The following PAK3 variants were observed in gnomAD, a reference collection of about 807,000 sequenced individuals.
PAK3 encodes the protein p21 (RAC1) activated kinase 3.
A neutral mutation model predicts 41.0 loss-of-function variants in PAK3; 4 were observed. The ratio of observed to expected loss-of-function variants is 0.10; its 90% CI spans 0.05 to 0.22. The LOEUF (loss-of-function observed/expected upper bound fraction) is 0.22, where lower values mean the gene tolerates loss of function less well. Ranked by LOEUF, PAK3 falls within the 10% of genes least tolerant of loss-of-function variation. The pLI, the probability that PAK3 is intolerant of heterozygous loss-of-function variation, is 1.00. For missense variants in PAK3, 205 were observed against 409.9 expected, an observed-to-expected ratio of 0.50 and a Z score of 4.32; for synonymous variants, 146 against 139.6, an observed-to-expected ratio of 1.05 and a Z score of -0.32.
chrX:111,003,897 G>A, intron 1 of PAK3, among the ~76,000 whole-genome samples: 1 of 112,452 alleles, frequency 8.9e-6, no homozygotes, highest in East Asian at 2.8e-4. Flanking sequence ...TTAAAATACT[G>A]ACTCTGCAAC....
intron 4 of PAK3, among the ~76,000 whole-genome samples, chrX:111,108,236 G>A (rs2093310119): frequency 8.9e-6 from 1 of 112,240 alleles, no homozygotes; most frequent in Non-Finnish European, 1.9e-5. Flanking sequence ...AGCTTGCTTA[G>A]CACAGGGCTG....
At chrX:110,981,542 A>AGTGTGT (rs3033534) in intron 1 of PAK3, among the ~76,000 whole-genome samples, 3 of 102,970 alleles carry the variant, frequency 2.9e-5, no homozygotes, top group Admixed American at 2.1e-4. Flanking sequence ...GAGAAAAAAT[A>AGTGTGT]GTGTGTGTGT....
rs2094942259 is a variant in PAK3, at chrX:111,224,225, C to T, written c.*3778C>T. Reference sequence around the variant, plus strand: ...GAGATGTCACTATTAGAACTCCAAACACACTCTTCTGCTTTAAAACAGGTT... The same window carrying T: ...GAGATGTCACTATTAGAACTCCAAATACACTCTTCTGCTTTAAAACAGGTT... On this transcript the variant is annotated 3_prime_UTR_variant, in exon 18 of 18. Transcript: ENST00000372007. The T allele has an allele frequency of 8.9e-6, 1 of 111,769 alleles. No homozygotes were observed. Among genetic ancestry groups the T allele is most frequent in the Non-Finnish European group, 1.9e-5 (1 of 53,151 alleles). 9.2% of individuals were successfully genotyped at this position (111,769 alleles called of 1,213,427 possible). A position where few individuals can be genotyped will look rare whatever the true frequency, so the allele number is the denominator to read the frequency against.
intron 1 of PAK3, among the ~76,000 whole-genome samples, chrX:111,006,942 T>C (rs186059424): frequency 5.8e-5 from 6 of 103,063 alleles, no homozygotes; most frequent in Non-Finnish European, 1.2e-4. Flanking sequence ...CTTTCCAGGC[T>C]CAAGTGATCT....
intron 10 of PAK3, among the ~76,000 whole-genome samples, chrX:111,172,511 C>T (rs6567945): frequency 0.22 from 23,980 of 110,347 alleles, 5,761 homozygotes; most frequent in African/African-American, 0.71. Context: ...TCCTCTCCTG[C>T]CTAGTGATCC....
Position 111,179,625 on chromosome X carries a change from G to A in PAK3, c.830+6544G>A, listed in dbSNP as rs375901213. ...CAGAATTCTCCACTTGCAACAAAAC[G>A]CTATTTTTATAATTGATTTGTTCAA... is the stretch of plus-strand genomic sequence containing the variant. On this transcript the variant is annotated intron_variant, in intron 11 of 17. Coordinates refer to ENST00000372007, the MANE Select transcript of PAK3 (RefSeq NM_002578.5). 8.1e-5 allele frequency among the ~76,000 whole-genome samples: 9 copies of A among 111,082 alleles called. No individual in the cohort carries two copies. In the East Asian group the frequency reaches 1.7e-3, roughly 21 times the overall value.
At chrX:111,151,151 A>T (rs971106060) in intron 7 of PAK3, among the ~76,000 whole-genome samples, 1 of 112,297 alleles carries the variant, frequency 8.9e-6, no homozygotes, top group African/African-American at 3.2e-5. Context: ...GATCCTGGTG[A>T]TATATCAAAA....
Position 111,152,384 on chromosome X carries a change from A to G in PAK3, c.431-26A>G, listed in dbSNP as rs16986385. On this transcript the variant is annotated intron_variant, in intron 7 of 17. Coordinates refer to ENST00000372007, the MANE Select transcript of PAK3 (RefSeq NM_002578.5). ...ATGAAACATTCTTTATGAAACAAAA[A>G]TGACCTCTCTATTCTCACTTTGCAG... is the stretch of plus-strand genomic sequence containing the variant. 49,534 of 1,093,025 alleles carry G rather than the reference A, an allele frequency of 0.045. 5,383 individuals carry two copies. In the African/African-American group the frequency reaches 0.49, roughly 11 times the overall value. The allele number at this position is 1,093,025 out of a possible 1,213,427, so 90.1% of individuals were successfully genotyped here.
At chrX:111,201,917 T>C (rs1215372903) in intron 16 of PAK3, among the ~76,000 whole-genome samples, 1 of 109,393 alleles carries the variant, frequency 9.1e-6, no homozygotes, top group African/African-American at 3.3e-5. Flanking sequence ...GTTTAGAGGG[T>C]TTTTTTTACC....
rs1485594274 is a variant in PAK3 at position 111,002,450 on chromosome X, G to A, written c.-28+57822G>A. On this transcript the variant is annotated intron_variant, in intron 1 of 14. Transcript: ENST00000425146. ...AAAAGGCAGATTTAGGTCTCCAAGA[G>A]GGAAGGCATCAGCTCTGCTTTTGGG... 8.1e-5 allele frequency among the ~76,000 whole-genome samples: 9 copies of A among 111,683 alleles called. No individual in the cohort carries two copies. In the East Asian group the frequency reaches 1.4e-3, roughly 18 times the overall value.
chrX:111,167,364 T>G (rs1412681792), intron 10 of PAK3, among the ~76,000 whole-genome samples: 1 of 110,936 alleles, frequency 9.0e-6, no homozygotes, highest in Non-Finnish European at 1.9e-5. Flanking sequence ...GTGGACCTCA[T>G]AAGCATGGTG....
intron 11 of PAK3, among the ~76,000 whole-genome samples, chrX:111,189,198 G>C (rs1259765716): frequency 1.8e-5 from 2 of 111,686 alleles, no homozygotes; most frequent in Non-Finnish European, 3.8e-5. Flanking sequence ...TCCTGCATTA[G>C]ATCCCTTAGA....
chrX:111,201,685 C>G (rs771273985), intron 16 of PAK3, among the ~76,000 whole-genome samples: 11 of 110,852 alleles, frequency 9.9e-5, no homozygotes, highest in Non-Finnish European at 3.8e-5. Context: ...CTGTGACCTT[C>G]TGCAAGTTAC....
chrX:111,093,264 C>T (rs1238939972), upstream of PAK3, among the ~76,000 whole-genome samples: 1 of 111,759 alleles, frequency 8.9e-6, no homozygotes, highest in Non-Finnish European at 1.9e-5. Context: ...TCCATTCTCT[C>T]ATCTATGAAA....
intron 1 of PAK3, among the ~76,000 whole-genome samples, chrX:110,972,219 T>G (rs2091223234): frequency 1.8e-5 from 2 of 110,743 alleles, no homozygotes; most frequent in African/African-American, 6.6e-5. Flanking sequence ...GTGATGAGAG[T>G]AGAAATCAGT....
intron 6 of PAK3, among the ~76,000 whole-genome samples, chrX:111,146,923 G>T: frequency 9.0e-6 from 1 of 111,504 alleles, no homozygotes; most frequent in Admixed American, 9.6e-5. Flanking sequence ...ATTCTCCTTG[G>T]TTAGATTTCC....
At chrX:110,990,288 T>C (rs1443958979) in intron 1 of PAK3, among the ~76,000 whole-genome samples, 10 of 112,376 alleles carry the variant, frequency 8.9e-5, no homozygotes, top group African/African-American at 3.2e-4. Flanking sequence ...TAAGAGCACC[T>C]TGGAAACAGA....
intron 8 of PAK3, among the ~76,000 whole-genome samples, chrX:111,159,636 C>T (rs1235217193): frequency 9.0e-6 from 1 of 111,113 alleles, no homozygotes; most frequent in Non-Finnish European, 1.9e-5. Flanking sequence ...CCTGAAATGC[C>T]CTGAAGAATT....
chrX:111,115,605 G>T (rs147549335), intron 4 of PAK3, among the ~76,000 whole-genome samples: 2,170 of 111,532 alleles, frequency 0.019, 61 homozygotes, highest in African/African-American at 0.066. Context: ...TGCATGCTCA[G>T]TATAATAATA....
Sources: allele counts gnomAD v4.1 joint callset (sites outside exome capture counted in the v4.1 genomes callset), GRCh38; gene constraint gnomAD v4.1.1; transcripts MANE v1.5; gene names NCBI Gene and HGNC (gene_info 2026-07-23, HGNC 2026-07-21).